FAM151B: variants seen among roughly 807,000 people sequenced by gnomAD.
The protein encoded by FAM151B is family with sequence similarity 151 member B, also known as protein FAM151B.
A neutral mutation model predicts 31.2 loss-of-function variants in FAM151B; 24 were observed. The observed-to-expected ratio is 0.77, with a 90% CI of 0.56 to 1.08. The LOEUF (loss-of-function observed/expected upper bound fraction) is 1.08, where lower values mean the gene tolerates loss of function less well. FAM151B is among the 50% of genes least tolerant of loss of function. The pLI, the probability that FAM151B is intolerant of heterozygous loss-of-function variation, is 0.00. For synonymous variants in FAM151B, 105 were observed against 111.4 expected (o/e 0.94, Z 0.36); for missense variants, 293 against 328.6 (o/e 0.89, Z 0.84).
chr5:80,519,328 T>C (rs1193127027), intron 3 of FAM151B, among the ~76,000 whole-genome samples: 3 of 152,198 alleles, frequency 2.0e-5, no homozygotes, highest in Admixed American at 6.5e-5. Context: ...TTAAGTGTAT[T>C]TCATTTATCT....
intron 5 of FAM151B, among the ~76,000 whole-genome samples, chr5:80,532,217 T>G (rs185251674): frequency 2.0e-4 from 18 of 88,852 alleles, no homozygotes; most frequent in South Asian, 8.9e-4. Flanking sequence ...CGGGGCCTGT[T>G]GTGGGGTGGG....
chr5:80,508,003 C>T, intron 2 of FAM151B, among the ~76,000 whole-genome samples: 1 of 152,220 alleles, frequency 6.6e-6, no homozygotes, highest in East Asian at 1.9e-4. Context: ...TTCCTGACTC[C>T]AGAATCAAAA....
At chr5:80,510,757 G>A (rs1322851360) in intron 2 of FAM151B, 1 of 152,200 alleles carries the variant, frequency 6.6e-6, no homozygotes. Context: ...GATTGGTCAC[G>A]TGAGATGGCA....
intron 4 of FAM151B, among the ~76,000 whole-genome samples, chr5:80,520,969 C>T (rs141553921): frequency 3.7e-4 from 56 of 150,106 alleles, no homozygotes; most frequent in African/African-American, 1.2e-3. Context: ...GGCGCCACCA[C>T]GCCCAGCTAA....
Position 80,513,685 on chromosome 5 carries a change from C to A in FAM151B, c.233C>A (p.Pro78His). ...AGCCAGCCAATTATGGCCCATCCCC[C>A]TGAAACAAACAGTGATAATACTCTA... ...EHSQPIMAHP[P>H]ETNSDNTLQE... The change falls in exon 3 of 6, where the codon CCT becomes CAT. Residue 78 changes from proline (P) to histidine (H), a missense_variant. Physicochemically the swap from Pro to His is moderately conservative, Grantham distance 77 (BLOSUM62 -2). Coordinates refer to ENST00000282226, the MANE Select transcript of FAM151B (RefSeq NM_205548.3). 1 of 1,614,072 alleles carries A rather than the reference C, an allele frequency of 6.2e-7. No individual in the cohort carries two copies. The highest frequency in any genetic ancestry group is 8.5e-7 in the Non-Finnish European group (1 of 1,180,022).
intron 5 of FAM151B, among the ~76,000 whole-genome samples, chr5:80,538,621 G>T (rs1745714401): frequency 7.3e-6 from 1 of 137,830 alleles, no homozygotes; most frequent in Non-Finnish European, 1.5e-5. Context: ...CTTTCAGATG[G>T]AGTCTTGCTC....
intron 5 of FAM151B, among the ~76,000 whole-genome samples, chr5:80,535,281 G>C (rs1343554935): frequency 6.6e-6 from 1 of 152,158 alleles, no homozygotes; most frequent in East Asian, 1.9e-4. Flanking sequence ...CAAAGGCCCA[G>C]AATAGCCGAA....
At chr5:80,530,919 G>T (rs571720048) in intron 5 of FAM151B, among the ~76,000 whole-genome samples, 11 of 152,194 alleles carry the variant, frequency 7.2e-5, no homozygotes, top group Non-Finnish European at 1.3e-4. Context: ...AAAAGAGCCC[G>T]CATTGCCAAG....
At chr5:80,491,569 A>G (rs1743332283) in intron 1 of FAM151B, among the ~76,000 whole-genome samples, 1 of 152,082 alleles carries the variant, frequency 6.6e-6, no homozygotes, top group Non-Finnish European at 1.5e-5. Context: ...TTGGGAACTT[A>G]TTCCTCCTGT....
chr5:80,535,277 C>T (rs1406515499), intron 5 of FAM151B, among the ~76,000 whole-genome samples: 1 of 152,096 alleles, frequency 6.6e-6, no homozygotes, highest in African/African-American at 2.4e-5. Context: ...ACCACAAAGG[C>T]CCAGAATAGC....
chr5:80,523,740 C>A (rs1744824035), intron 5 of FAM151B, among the ~76,000 whole-genome samples: 1 of 151,994 alleles, frequency 6.6e-6, no homozygotes, highest in Admixed American at 6.6e-5. Flanking sequence ...TAGTATGATT[C>A]CATTTGCATG....
At chr5:80,512,494 C>T (rs1206042665) in intron 2 of FAM151B, among the ~76,000 whole-genome samples, 1 of 152,090 alleles carries the variant, frequency 6.6e-6, no homozygotes, top group Non-Finnish European at 1.5e-5. Flanking sequence ...TAAAAATGAA[C>T]AGGATTGGCA....
intron 5 of FAM151B, among the ~76,000 whole-genome samples, chr5:80,529,830 C>T (rs1428797141): frequency 7.5e-6 from 1 of 133,770 alleles, no homozygotes; most frequent in Non-Finnish European, 1.6e-5. Flanking sequence ...TGGTAGCATT[C>T]CTTTTGAAAC....
intron 2 of FAM151B, among the ~76,000 whole-genome samples, chr5:80,502,350 A>T (rs1743778945): frequency 6.6e-6 from 1 of 152,164 alleles, no homozygotes; most frequent in Non-Finnish European, 1.5e-5. Context: ...GTATGTAGTG[A>T]TTTGAGTAAA....
intron 5 of FAM151B, among the ~76,000 whole-genome samples, chr5:80,538,452 T>C (rs60197597): frequency 0.048 from 2,352 of 48,604 alleles, 83 homozygotes; most frequent in East Asian, 0.083. Flanking sequence ...TTCTTTCTCT[T>C]TCTTTCTTTC....
At chr5:80,500,975 C>A (rs1743718873) in intron 1 of FAM151B, 2 of 673,970 alleles carry the variant, frequency 3.0e-6, no homozygotes, top group South Asian at 3.3e-5. Flanking sequence ...TTATCTTCGC[C>A]ATGAGGCGGA....
intron 2 of FAM151B, among the ~76,000 whole-genome samples, chr5:80,512,448 C>T (rs1744227408): frequency 6.6e-6 from 1 of 152,096 alleles, no homozygotes; most frequent in African/African-American, 2.4e-5. Flanking sequence ...AAGTGTTCTG[C>T]CATGTTTTCA....
chr5:80,497,019 C>A (rs1409680192), intron 1 of FAM151B, among the ~76,000 whole-genome samples: 1 of 151,816 alleles, frequency 6.6e-6, no homozygotes, highest in South Asian at 2.1e-4. Flanking sequence ...ACATATTGGC[C>A]AGGCTGGTCT....
chr5:80,501,191 T>A, intron 1 of FAM151B: 1 of 315,032 alleles, frequency 3.2e-6, no homozygotes, highest in South Asian at 3.4e-5. Context: ...TTTTTTTTTT[T>A]TTATTTTTGT....
Sources: allele counts gnomAD v4.1 joint callset (sites outside exome capture counted in the v4.1 genomes callset), GRCh38; gene constraint gnomAD v4.1.1; transcripts MANE v1.5; gene names NCBI Gene and HGNC (gene_info 2026-07-23, HGNC 2026-07-21).